SGO2: variants seen among roughly 807,000 people sequenced by gnomAD.
SGO2 encodes the protein shugoshin-like 2.
SGO2 carries 68 observed loss-of-function variants against 99.5 expected under a neutral mutation model. The observed-to-expected ratio is 0.68, with a 90% CI of 0.56 to 0.84. The LOEUF is 0.84. Among genes scored for constraint, SGO2 ranks in the 40% least tolerant of loss-of-function variants. The pLI, the probability that SGO2 is intolerant of heterozygous loss-of-function variation, is 0.00. For synonymous variants in SGO2, 457 were observed against 487.1 expected (o/e 0.94, Z 0.81); for missense variants, 1,350 against 1,436.7 (o/e 0.94, Z 0.97).
In SGO2 at chr2:200,571,153, T is replaced by C. The variant is rs750696240; in HGVS notation, c.807T>C (p.Asn269=). 6.2e-7 allele frequency: 1 copy of C among 1,613,680 alleles called. No individual in the cohort carries two copies. The highest frequency in any genetic ancestry group is 1.7e-5 in the Admixed American group (1 of 59,976). Residue 269 remains asparagine (N), a synonymous_variant, in exon 7 of 9, where the codon AAT becomes AAC. Transcript: ENST00000357799. ...GATGGGAGAAACCATCTCCTAGTAA[T>C]GTGACTGAAAGGAAGAAGCGTGGGT... The part of the protein sequence containing the change: ...GRRWEKPSPS[N]VTERKKRGSS...
chr2:200,563,394 C>A (rs1277831845), intron 5 of SGO2, among the ~76,000 whole-genome samples: 1 of 152,144 alleles, frequency 6.6e-6, no homozygotes, highest in Non-Finnish European at 1.5e-5. Context: ...AGCCTTGTAT[C>A]CCAGGGATGA....
At chr2:200,528,545 G>A (rs2106297505) in intron 1 of SGO2, among the ~76,000 whole-genome samples, 1 of 152,248 alleles carries the variant, frequency 6.6e-6, no homozygotes, top group Non-Finnish European at 1.5e-5. Context: ...GGTTGGGGTG[G>A]GGGGAGTTTA....
intron 2 of SGO2, chr2:200,533,478 C>T (rs1395084733): frequency 1.0e-5 from 2 of 191,292 alleles, no homozygotes; most frequent in Non-Finnish European, 2.2e-5. Context: ...GGTGGGCTCA[C>T]ACTGGGTGCT....
chr2:200,550,162 T>A (rs1574851764), intron 5 of SGO2, among the ~76,000 whole-genome samples: 1 of 152,210 alleles, frequency 6.6e-6, no homozygotes, highest in South Asian at 2.1e-4. Flanking sequence ...GTGAAAGTTC[T>A]ATAGAAGGAA....
intron 8 of SGO2, among the ~76,000 whole-genome samples, chr2:200,579,968 T>C (rs1032106169): frequency 1.3e-5 from 2 of 152,170 alleles, no homozygotes; most frequent in African/African-American, 4.8e-5. Context: ...GTATGTTATA[T>C]ACTTATATAA....
At chr2:200,542,490 T>C (rs1469940529) in intron 4 of SGO2, 89 bp from the exon 5 acceptor site, 1 of 916,334 alleles carries the variant, frequency 1.1e-6, no homozygotes, top group African/African-American at 1.7e-5. Flanking sequence ...TCTTTTACTA[T>C]TAATGTCATT....
At chr2:200,560,927 A>C (rs1261108900) in intron 5 of SGO2, among the ~76,000 whole-genome samples, 2 of 152,136 alleles carry the variant, frequency 1.3e-5, no homozygotes, top group African/African-American at 2.4e-5. Flanking sequence ...GGGCTTTTCA[A>C]GTTTTTGGTT....
At chr2:200,533,519 ATG>A (rs35068823) in intron 2 of SGO2, 8,359 of 144,008 alleles carry the variant, frequency 0.058, 620 homozygotes, top group African/African-American at 0.18. Context: ...TATAATGTAT[ATG>A]TGTGTGTGTG....
intron 5 of SGO2, among the ~76,000 whole-genome samples, chr2:200,562,174 T>G (rs541083642): frequency 2.4e-5 from 3 of 124,572 alleles, no homozygotes; most frequent in Non-Finnish European, 5.3e-5. Context: ...TTCTTCTAGG[T>G]TTTTTATGGT....
intron 4 of SGO2, among the ~76,000 whole-genome samples, chr2:200,537,911 CTT>C (rs1380240878): frequency 6.6e-6 from 1 of 152,114 alleles, no homozygotes; most frequent in Non-Finnish European, 1.5e-5. Flanking sequence ...CTTTTCCTGT[CTT>C]TTTCTCACAC....
At chr2:200,553,845 T>C (rs2032595229) in intron 5 of SGO2, among the ~76,000 whole-genome samples, 1 of 152,156 alleles carries the variant, frequency 6.6e-6, no homozygotes, top group Admixed American at 6.5e-5. Context: ...CCAAGATAAC[T>C]TGGGGCTCCT....
Position 200,569,654 on chromosome 2 carries a change from T to TG in SGO2, c.474-8dup, listed in dbSNP as rs759051181. ...CATAATTTCTCATTTCCTTCCCACT[T>TG]GCCTTTAGGGTTCCATTAACTTCAA... On this transcript the variant is annotated splice_polypyrimidine_tract_variant and intron_variant, in intron 5 of 8. Coordinates refer to ENST00000357799, the MANE Select transcript of SGO2 (RefSeq NM_152524.6). The TG allele has an allele frequency of 1.3e-6, 2 of 1,578,148 alleles. No homozygotes were observed. Among genetic ancestry groups the TG allele is most frequent in the African/African-American group, 2.7e-5 (2 of 73,176 alleles).
At chr2:200,548,648 T>C (rs2106321303) in intron 5 of SGO2, among the ~76,000 whole-genome samples, 2 of 152,126 alleles carry the variant, frequency 1.3e-5, no homozygotes, top group Middle Eastern at 6.8e-3. Flanking sequence ...TAAAAAAGTA[T>C]AGAAGATAAA....
At position 200,554,462 on chromosome 2, in the gene SGO2, C is replaced by T. The variant is rs1044139003; in HGVS notation, c.473+11798C>T. Among the ~76,000 whole-genome samples, 3 of 152,130 alleles carry T rather than the reference C, an allele frequency of 2.0e-5. No individual in the cohort carries two copies. The East Asian group carries it at 5.8e-4, about 29-fold the overall frequency. On this transcript the variant is annotated intron_variant, in intron 5 of 8. Coordinates refer to ENST00000357799, the MANE Select transcript of SGO2 (RefSeq NM_152524.6). ...TGCATTCAAGAGCACCTGTCAAAGT[C>T]CTATAGCTGATTATAAATTACCTTT...
At position 200,533,006 on chromosome 2, in the gene SGO2, CT is replaced by C; in HGVS notation, c.36del (p.Phe12LeufsTer9). 6.2e-7 allele frequency: 1 copy of C among 1,610,088 alleles called. No individual in the cohort carries two copies. The highest frequency in any genetic ancestry group is 1.1e-5 in the South Asian group (1 of 89,764). On this transcript the variant is annotated frameshift_variant, in exon 2 of 9. Transcript: ENST00000357799. LOFTEE classifies it high-confidence loss of function. Reference protein sequence around the residue: MECPVMETGSLFTSGIKRHLK... With the variant: MECPVMETGSXFTSGIKRHLK... ...GTGCCCAGTGATGGAAACTGGCTCA[CT>C]TTTTACCTCAGGAATTAAGAGACAT...
rs2033403124 is a variant in SGO2 at position 200,571,187 on chromosome 2, G to A, written c.841G>A (p.Glu281Lys). Residue 281 changes from glutamate to lysine, a missense_variant, in exon 7 of 9, where the codon GAA (glutamate) becomes AAA (lysine). Transcript: ENST00000357799. ...AAGGAAGAAGCGTGGGTCATCTTGG[G>A]AATCAAATAATCTTTCTGCAGACAC... is the stretch of plus-strand genomic sequence containing the variant. The part of the protein sequence containing the change: ...TERKKRGSSW[E>K]SNNLSADTPC... 1.2e-6 allele frequency: 2 copies of A among 1,613,504 alleles called. No individual in the cohort carries two copies. The highest frequency in any genetic ancestry group is 1.7e-5 in the Admixed American group (1 of 59,954).
chr2:200,578,023 A>G lies in SGO2; in HGVS notation c.3782+2562A>G, dbSNP rs1307462196. ...CCATTTCTCAAACTTTCACCCACTA[A>G]TTTTAGCATCCATTGGTGGATCTTG... is the stretch of plus-strand genomic sequence containing the variant. On this transcript the variant is annotated intron_variant, in intron 8 of 8. Transcript: ENST00000357799. 6.6e-5 allele frequency among the ~76,000 whole-genome samples: 10 copies of G among 152,080 alleles called. No homozygotes were observed. The East Asian group carries it at 1.7e-3, about 26-fold the overall frequency.
chr2:200,538,210 CTG>C (rs1277088728), intron 4 of SGO2, among the ~76,000 whole-genome samples: 4 of 152,140 alleles, frequency 2.6e-5, no homozygotes, highest in Non-Finnish European at 4.4e-5. Context: ...GATCTGAAAA[CTG>C]AAACTCTTCT....
chr2:200,572,507 GA>G lies in SGO2; in HGVS notation c.2164del (p.Ile722Ter). On this transcript the variant is annotated frameshift_variant, in exon 7 of 9. Transcript: ENST00000357799. LOFTEE classifies it high-confidence loss of function. ...TAGGCAGAAAGTAAATCGGAAGACA[GA>G]AATAATTTCTGAAGTGAATCATTTA... ...KLRQKVNRKT[E>X]IISEVNHLDN... 6.2e-7 allele frequency: 1 copy of G among 1,612,650 alleles called. No individual in the cohort carries two copies. The highest frequency in any genetic ancestry group is 1.1e-5 in the South Asian group (1 of 90,932).
Sources: allele counts gnomAD v4.1 joint callset (sites outside exome capture counted in the v4.1 genomes callset), GRCh38; gene constraint gnomAD v4.1.1; transcripts MANE v1.5; gene names NCBI Gene and HGNC (gene_info 2026-07-23, HGNC 2026-07-21).